The following MYRFL variants were observed in gnomAD, a reference collection of about 807,000 sequenced individuals.
The protein encoded by MYRFL is myelin regulatory factor like.
In MYRFL, 88 loss-of-function variants were observed where a neutral mutation model predicts 109.4. The ratio of observed to expected loss-of-function variants is 0.80; its 90% CI spans 0.68 to 0.96. The LOEUF (loss-of-function observed/expected upper bound fraction) is 0.96. Ranked by LOEUF, MYRFL falls within the 40% of genes least tolerant of loss-of-function variation. The pLI is 0.00. For synonymous variants in MYRFL, 324 were observed against 320.9 expected (o/e 1.01, Z -0.10); for missense variants, 957 against 954.9 (o/e 1.00, Z -0.03).
chr12:69,936,708 G>T, intron 19 of MYRFL, 76 bp downstream of exon 19: 1 of 1,282,844 alleles, frequency 7.8e-7, no homozygotes, highest in Non-Finnish European at 1.0e-6. Context: ...TACTTAGATG[G>T]TCATTAATGG....
At chr12:69,891,903 C>T (rs1886937966) in intron 7 of MYRFL, among the ~76,000 whole-genome samples, 1 of 151,736 alleles carries the variant, frequency 6.6e-6, no homozygotes, top group South Asian at 2.1e-4. Context: ...GCTTCAATTC[C>T]TGGGCTCAAG....
intron 16 of MYRFL, chr12:69,935,854 G>C: frequency 2.2e-6 from 1 of 464,558 alleles, no homozygotes; most frequent in Non-Finnish European, 3.8e-6. Flanking sequence ...TGCCAGGGCT[G>C]GGGGGCTGCT....
Position 69,926,707 on chromosome 12 carries a change from C to A in MYRFL, c.1739C>A (p.Ser580Ter). 1 of 1,506,040 alleles carries A rather than the reference C, an allele frequency of 6.6e-7. No homozygotes were observed. Among genetic ancestry groups the A allele is most frequent in the East Asian group, 2.5e-5 (1 of 40,404 alleles). The allele number at this position is 1,506,040 out of a possible 1,614,324, so 93.3% of individuals were successfully genotyped here. ...ARLKRLSSWK[S>*]SASEASTISK... The stretch of plus-strand genomic sequence containing the variant: ...CTAAAGCGGCTCAGTAGTTGGAAGT[C>A]ATCAGCCAGTGAAGCAAGCACAATC... Residue 580 changes from serine to a stop codon, truncating the protein, a stop_gained, in exon 14 of 25, where the codon TCA (serine) becomes TAA (stop). Transcript: ENST00000552032. LOFTEE classifies it high-confidence loss of function.
intron 1 of MYRFL, among the ~76,000 whole-genome samples, chr12:69,839,787 T>C (rs1338312410): frequency 6.6e-6 from 1 of 152,200 alleles, no homozygotes; most frequent in African/African-American, 2.4e-5. Context: ...TCTTCTCCAT[T>C]GACTGTCTCT....
intron 13 of MYRFL, among the ~76,000 whole-genome samples, chr12:69,912,969 T>C (rs561212222): frequency 2.1e-4 from 31 of 148,320 alleles, no homozygotes; most frequent in African/African-American, 7.5e-4. Context: ...ATGCTTGTAA[T>C]TTTTTTTTTC....
chr12:69,911,893 A>T (rs1178486689), intron 13 of MYRFL, among the ~76,000 whole-genome samples: 1 of 152,174 alleles, frequency 6.6e-6, no homozygotes, highest in Non-Finnish European at 1.5e-5. Flanking sequence ...CATCACTGGG[A>T]ATCTTATTAA....
chr12:69,926,117 C>CTTTTTTTT (rs147973443), intron 13 of MYRFL, among the ~76,000 whole-genome samples: 8 of 84,842 alleles, frequency 9.4e-5, no homozygotes, highest in Non-Finnish European at 1.6e-4. Context: ...TCTTCTTCTT[C>CTTTTTTTT]TTTTTTTTTT....
chr12:69,947,975 A>G (rs1460897120), intron 19 of MYRFL, among the ~76,000 whole-genome samples: 4 of 152,172 alleles, frequency 2.6e-5, no homozygotes, highest in Non-Finnish European at 5.9e-5. Context: ...AGAAGTTTCT[A>G]ATTTAGTTTG....
intron 16 of MYRFL, 22 bp downstream of exon 16, chr12:69,932,620 T>C (rs772337147): frequency 5.3e-6 from 8 of 1,498,568 alleles, no homozygotes; most frequent in Non-Finnish European, 7.2e-6. Flanking sequence ...TTCACTGTTA[T>C]GCCATGTCAA....
intron 1 of MYRFL, among the ~76,000 whole-genome samples, chr12:69,836,931 C>G (rs1882979552): frequency 6.6e-6 from 1 of 152,100 alleles, no homozygotes; most frequent in African/African-American, 2.4e-5. Flanking sequence ...TCATTCTTAA[C>G]CCAACTTCAA....
intron 6 of MYRFL, among the ~76,000 whole-genome samples, chr12:69,889,908 T>G (rs1390426798): frequency 6.6e-6 from 1 of 151,982 alleles, no homozygotes; most frequent in Non-Finnish European, 1.5e-5. Context: ...ATTTTCAGAT[T>G]TGGGATGCTC....
intron 13 of MYRFL, among the ~76,000 whole-genome samples, chr12:69,914,243 T>G (rs1954664077): frequency 6.6e-6 from 1 of 152,162 alleles, no homozygotes; most frequent in South Asian, 2.1e-4. Flanking sequence ...TGTTTTATTA[T>G]TTCTAGGGCC....
chr12:69,955,134 A>AG (rs1448214794), intron 21 of MYRFL, among the ~76,000 whole-genome samples: 6 of 152,152 alleles, frequency 3.9e-5, no homozygotes, highest in African/African-American at 1.4e-4. Context: ...CTAAAAAACT[A>AG]TAACTTTTTA....
At chr12:69,919,785 C>T (rs2120422419) in intron 13 of MYRFL, among the ~76,000 whole-genome samples, 1 of 152,286 alleles carries the variant, frequency 6.6e-6, no homozygotes, top group Non-Finnish European at 1.5e-5. Context: ...GTTTTATTCC[C>T]ATGGTTTTAT....
chr12:69,926,948 T>G (rs1283822621), intron 14 of MYRFL, among the ~76,000 whole-genome samples: 4 of 137,492 alleles, frequency 2.9e-5, no homozygotes, highest in Non-Finnish European at 4.8e-5. Context: ...TTTTTTTTTT[T>G]TTTTTTTTTT....
chr12:69,827,691 G>T (rs2136312004), intron 1 of MYRFL, among the ~76,000 whole-genome samples: 1 of 151,912 alleles, frequency 6.6e-6, no homozygotes, highest in East Asian at 1.9e-4. Context: ...TATTAATTAT[G>T]GTTCTAACAT....
chr12:69,909,914 A>C, intron 11 of MYRFL, 55 bp from the exon 12 acceptor site: 6 of 1,274,592 alleles, frequency 4.7e-6, no homozygotes, highest in Non-Finnish European at 5.3e-6. Flanking sequence ...CTGGGCATTA[A>C]TTTGAATAGC....
At chr12:69,867,535 G>A (rs564068206) in intron 2 of MYRFL, among the ~76,000 whole-genome samples, 4 of 152,308 alleles carry the variant, frequency 2.6e-5, no homozygotes, top group Middle Eastern at 3.4e-3. Context: ...GGACGTCACA[G>A]GAGGGGAAAC....
In MYRFL at chr12:69,951,320, C is replaced by T. The variant is rs559100038; in HGVS notation, c.2225-793C>T. Among the ~76,000 whole-genome samples the T allele has an allele frequency of 3.3e-5, 5 of 151,856 alleles. No homozygotes were observed. In the East Asian group the frequency reaches 5.8e-4, roughly 18 times the overall value. ...TCAGCAGGTCTGATTTCTTCTGAGGCTTCTCTCCTTGGTCTGCAGATGACT... is the reference window on the plus strand; with the variant it reads ...TCAGCAGGTCTGATTTCTTCTGAGGTTTCTCTCCTTGGTCTGCAGATGACT... On this transcript the variant is annotated intron_variant, in intron 19 of 24. Coordinates refer to ENST00000552032, the MANE Select transcript of MYRFL (RefSeq NM_182530.3).
Sources: gnomAD v4.1 joint callset for allele counts (sites outside exome capture counted in the v4.1 genomes callset) on GRCh38, gnomAD v4.1.1 for gene constraint, MANE v1.5 for transcripts, NCBI Gene and HGNC (gene_info 2026-07-23, HGNC 2026-07-21) for gene names.